LRP12: variants seen among roughly 807,000 people sequenced by gnomAD.
LRP12 encodes LDL receptor related protein 12.
Under a neutral mutation model 66.0 loss-of-function variants are expected in LRP12, and 14 were observed. The ratio of observed to expected loss-of-function variants is 0.21; its 90% CI spans 0.14 to 0.33. LRP12 has a LOEUF of 0.33. Among genes scored for constraint, LRP12 ranks in the 10% least tolerant of loss-of-function variants. LRP12 has a pLI of 1.00. For synonymous variants in LRP12, 357 were observed against 359.1 expected (o/e 0.99, Z 0.07); for missense variants, 889 against 1,053.4 (o/e 0.84, Z 2.16).
chr8:104,568,574 A>G (rs1241859187), intron 1 of LRP12, among the ~76,000 whole-genome samples: 3 of 152,148 alleles, frequency 2.0e-5, no homozygotes, highest in Non-Finnish European at 2.9e-5. Flanking sequence ...TTACAACTCA[A>G]CAACAAAGAC....
intron 1 of LRP12, among the ~76,000 whole-genome samples, chr8:104,532,535 T>G (rs1811339795): frequency 6.6e-6 from 1 of 152,174 alleles, no homozygotes; most frequent in South Asian, 2.1e-4. Context: ...AAATTTTGTA[T>G]TTTATACATC....
chr8:104,575,651 T>C (rs1472404304), intron 1 of LRP12, among the ~76,000 whole-genome samples: 3 of 151,782 alleles, frequency 2.0e-5, no homozygotes, highest in African/African-American at 4.8e-5. Context: ...AGATTGAGGG[T>C]AGCAGGCCCA....
At chr8:104,508,909 T>TTA in intron 3 of LRP12, 30 bp downstream of exon 3, 4 of 1,567,094 alleles carry the variant, frequency 2.6e-6, no homozygotes, top group Non-Finnish European at 3.5e-6. Flanking sequence ...TTGTAATAAA[T>TTA]TATATAGTAA....
At position 104,543,317 on chromosome 8, in the gene LRP12, T is replaced by G. The variant is rs373937844; in HGVS notation, c.80-11354A>C. Among the ~76,000 whole-genome samples, 4 of 152,244 alleles carry G rather than the reference T, an allele frequency of 2.6e-5. No homozygotes were observed. In the East Asian group the frequency reaches 7.7e-4, roughly 29 times the overall value. On this transcript the variant is annotated intron_variant, in intron 1 of 6. Coordinates refer to ENST00000276654, the MANE Select transcript of LRP12 (RefSeq NM_013437.5). ...CTCTGTTGTCACATTTTGGCAATTC[T>G]TGTAATATTTAAAACTTTTTCATTA...
rs1189045452 is a variant in LRP12 at position 104,588,997 on chromosome 8, C to G, written c.-100G>C. 3.4e-6 allele frequency: 3 copies of G among 884,916 alleles called. No homozygotes were observed. In the African/African-American group the frequency reaches 5.2e-5, roughly 15 times the overall value. 54.8% of individuals were successfully genotyped at this position (884,916 alleles called of 1,614,324 possible). A position where few individuals can be genotyped will look rare whatever the true frequency, so the allele number is the denominator to read the frequency against. ...GCCGCCGCCGCCGCCGCCGCCGCCG[C>G]CGAGCCACCGGCTGCTCCCTGCGCT... is the stretch of plus-strand genomic sequence containing the variant. On this transcript the variant is annotated 5_prime_UTR_variant, in exon 1 of 7. Transcript: ENST00000276654.
At chr8:104,538,340 TG>T (rs1811418441) in intron 1 of LRP12, among the ~76,000 whole-genome samples, 1 of 152,122 alleles carries the variant, frequency 6.6e-6, no homozygotes, top group Non-Finnish European at 1.5e-5. Flanking sequence ...ATACTCCTTG[TG>T]CATCAAACAC....
Position 104,588,583 on chromosome 8 carries a change from G to A in LRP12, c.79+236C>T, listed in dbSNP as rs1196754138. On this transcript the variant is annotated intron_variant, in intron 1 of 6. Transcript: ENST00000276654. ...CCCCTCGCTCCGCCGGGGCCCTCCCGGCCGGGCCCCCCAGCCCCTCTCCAC... is the reference window on the plus strand; with the variant it reads ...CCCCTCGCTCCGCCGGGGCCCTCCCAGCCGGGCCCCCCAGCCCCTCTCCAC... 2.6e-5 allele frequency among the ~76,000 whole-genome samples: 4 copies of A among 152,246 alleles called. No individual in the cohort carries two copies. In the East Asian group the frequency reaches 7.8e-4, roughly 30 times the overall value.
In LRP12 at chr8:104,539,942, T is replaced by C. The variant is rs188620321; in HGVS notation, c.80-7979A>G. Among the ~76,000 whole-genome samples the C allele has an allele frequency of 3.3e-5, 5 of 152,186 alleles. No homozygotes were observed. In the East Asian group the frequency reaches 7.7e-4, roughly 24 times the overall value. The stretch of plus-strand genomic sequence containing the variant: ...CTACCTGTAAGGCCAAACCCTAATA[T>C]AGTTTGCCAAAAAGGCAGGCTTGAT... On this transcript the variant is annotated intron_variant, in intron 1 of 6. Coordinates refer to ENST00000276654, the MANE Select transcript of LRP12 (RefSeq NM_013437.5).
intron 1 of LRP12, among the ~76,000 whole-genome samples, chr8:104,540,699 T>C (rs1006502511): frequency 1.4e-4 from 22 of 152,202 alleles, no homozygotes; most frequent in Non-Finnish European, 2.6e-4. Flanking sequence ...AACATTACTT[T>C]TAATGAAAAG....
chr8:104,548,368 A>AATATATTATATAAATATATAAT (rs1564142298), intron 1 of LRP12, among the ~76,000 whole-genome samples: 3 of 53,038 alleles, frequency 5.7e-5, no homozygotes, highest in East Asian at 5.0e-4. Flanking sequence ...ATATTATATA[A>AATATATTATATAAATATATAAT]ATATATTATA....
chr8:104,582,143 T>A (rs1166115629), intron 1 of LRP12, among the ~76,000 whole-genome samples: 1 of 152,224 alleles, frequency 6.6e-6, no homozygotes, highest in African/African-American at 2.4e-5. Flanking sequence ...AAGATTGGCA[T>A]CATTTTTAAT....
intron 1 of LRP12, among the ~76,000 whole-genome samples, chr8:104,568,901 G>A (rs926067185): frequency 2.0e-5 from 3 of 152,140 alleles, no homozygotes; most frequent in South Asian, 4.1e-4. Context: ...ATTACTATAT[G>A]AGTCAGTAAT....
intron 1 of LRP12, among the ~76,000 whole-genome samples, chr8:104,534,824 AG>A (rs1811371958): frequency 6.6e-6 from 1 of 151,862 alleles, no homozygotes. Flanking sequence ...AATTATTTCT[AG>A]GTTACCAGTA....
In LRP12 at chr8:104,495,146, C is replaced by A; in HGVS notation, c.1644G>T (p.Ser548=). ...AELLRREAPP[S]YGQLIAQGLI... Reference sequence around the variant, plus strand: ...AACCCTGAGCAATCAATTGTCCATACGAGGGAGGAGCTTCTCTTCTTAACA... The same window carrying A: ...AACCCTGAGCAATCAATTGTCCATAAGAGGGAGGAGCTTCTCTTCTTAACA... Residue 548 remains serine (S), a synonymous_variant, in exon 6 of 7, where the codon TCG becomes TCT. Transcript: ENST00000276654. 6.2e-7 allele frequency: 1 copy of A among 1,613,676 alleles called. No homozygotes were observed. Among genetic ancestry groups the A allele is most frequent in the Non-Finnish European group, 8.5e-7 (1 of 1,179,694 alleles).
intron 3 of LRP12, chr8:104,506,167 T>C (rs1588485610): frequency 6.6e-6 from 1 of 152,324 alleles, no homozygotes; most frequent in Admixed American, 6.5e-5. Flanking sequence ...ATCTGATAGC[T>C]GTACTTTAAC....
At chr8:104,562,915 G>C (rs1811936468) in intron 1 of LRP12, among the ~76,000 whole-genome samples, 1 of 152,086 alleles carries the variant, frequency 6.6e-6, no homozygotes, top group Non-Finnish European at 1.5e-5. Flanking sequence ...TGGCATGTCT[G>C]GCTCATCTAT....
chr8:104,581,981 A>G (rs1382868385), intron 1 of LRP12, among the ~76,000 whole-genome samples: 1 of 152,210 alleles, frequency 6.6e-6, no homozygotes, highest in East Asian at 1.9e-4. Context: ...AGATACAAAG[A>G]TTATTCTTAT....
At chr8:104,570,095 T>C (rs1196256126) in intron 1 of LRP12, among the ~76,000 whole-genome samples, 2 of 152,168 alleles carry the variant, frequency 1.3e-5, no homozygotes, top group African/African-American at 4.8e-5. Flanking sequence ...ACAAAGGATC[T>C]GTGTGTTGAG....
intron 1 of LRP12, among the ~76,000 whole-genome samples, chr8:104,546,988 TATATA>T (rs1009869638): frequency 6.9e-6 from 1 of 144,166 alleles, no homozygotes; most frequent in African/African-American, 2.5e-5. Context: ...ATACATTTTG[TATATA>T]ATATATAATT....
Sources: allele counts gnomAD v4.1 joint callset (sites outside exome capture counted in the v4.1 genomes callset), GRCh38; gene constraint gnomAD v4.1.1; transcripts MANE v1.5; gene names NCBI Gene and HGNC (gene_info 2026-07-23, HGNC 2026-07-21).